SLC7A14: variants seen among roughly 807,000 people sequenced by gnomAD.
SLC7A14 encodes the protein gamma-aminobutyric acid transporter SLC7A14.
A neutral mutation model predicts 60.2 loss-of-function variants in SLC7A14; 37 were observed. The observed-to-expected ratio is 0.61, with a 90% confidence interval of 0.47 to 0.81. The LOEUF (loss-of-function observed/expected upper bound fraction) is 0.81, where lower values mean the gene tolerates loss of function less well. Ranked by LOEUF, SLC7A14 falls within the 30% of genes least tolerant of loss-of-function variation. SLC7A14 has a pLI of 0.00. For missense variants in SLC7A14, 886 were observed against 982.7 expected (o/e 0.90, Z 1.32); for synonymous variants, 399 against 395.8 (o/e 1.01, Z -0.10).
At chr3:170,549,477 G>T (rs1247630336) in intron 1 of SLC7A14, among the ~76,000 whole-genome samples, 2 of 152,166 alleles carry the variant, frequency 1.3e-5, no homozygotes, top group East Asian at 1.9e-4. Flanking sequence ...GCCTCCCAAA[G>T]TGCTGGGATT....
intron 1 of SLC7A14, among the ~76,000 whole-genome samples, chr3:170,578,340 C>T (rs763926646): frequency 1.3e-5 from 2 of 152,222 alleles, no homozygotes; most frequent in Non-Finnish European, 2.9e-5. Flanking sequence ...TTCCCACACA[C>T]AGGACTGAAG....
intron 4 of SLC7A14, among the ~76,000 whole-genome samples, chr3:170,489,639 C>T (rs1339459148): frequency 2.0e-5 from 3 of 152,188 alleles, no homozygotes; most frequent in African/African-American, 4.8e-5. Flanking sequence ...ATCTGCATTC[C>T]TATGTTTGTT....
At chr3:170,502,754 A>G (rs1305419327) in intron 2 of SLC7A14, 2 of 152,258 alleles carry the variant, frequency 1.3e-5, no homozygotes, top group Non-Finnish European at 2.9e-5. Context: ...AGAGATGTCA[A>G]AAGCAATGGC....
intron 1 of SLC7A14, among the ~76,000 whole-genome samples, chr3:170,553,445 C>G (rs556343391): frequency 1.3e-5 from 2 of 152,148 alleles, no homozygotes; most frequent in Non-Finnish European, 2.9e-5. Context: ...AAGGGAAACT[C>G]CCAGTTCAAA....
chr3:170,513,807 C>T (rs1173327864), intron 2 of SLC7A14, among the ~76,000 whole-genome samples: 1 of 152,170 alleles, frequency 6.6e-6, no homozygotes, highest in Non-Finnish European at 1.5e-5. Flanking sequence ...TGGTGTTGGC[C>T]TTCATCACAC....
At chr3:170,515,906 T>C (rs748143279) in intron 2 of SLC7A14, among the ~76,000 whole-genome samples, 2 of 152,178 alleles carry the variant, frequency 1.3e-5, no homozygotes, top group Admixed American at 6.5e-5. Context: ...TGTTTCTTCA[T>C]ATTGATATCA....
intron 7 of SLC7A14, among the ~76,000 whole-genome samples, chr3:170,469,122 G>C (rs187280364): frequency 1.3e-5 from 2 of 152,046 alleles, no homozygotes; most frequent in East Asian, 3.9e-4. Context: ...CCTCCTTCCC[G>C]GGCCCTAACA....
chr3:170,486,698 C>G (rs920645882), intron 4 of SLC7A14, among the ~76,000 whole-genome samples: 1 of 152,038 alleles, frequency 6.6e-6, no homozygotes. Flanking sequence ...ATGGTGAAAC[C>G]CTGTCTGTAC....
At chr3:170,491,752 G>C (rs1197716786) in intron 4 of SLC7A14, among the ~76,000 whole-genome samples, 2 of 152,154 alleles carry the variant, frequency 1.3e-5, no homozygotes, top group Admixed American at 1.3e-4. Context: ...CTCTGGCCTT[G>C]CTTTCTTCTC....
At chr3:170,569,330 T>G (rs1223003418) in intron 1 of SLC7A14, among the ~76,000 whole-genome samples, 4 of 152,252 alleles carry the variant, frequency 2.6e-5, no homozygotes, top group African/African-American at 9.6e-5. Flanking sequence ...TTTGCGTATG[T>G]TGAACCAGCC....
intron 1 of SLC7A14, among the ~76,000 whole-genome samples, chr3:170,556,171 A>G (rs1461219954): frequency 1.3e-5 from 2 of 152,182 alleles, no homozygotes; most frequent in Non-Finnish European, 2.9e-5. Flanking sequence ...TCTTTTTGCA[A>G]TGAGATGCTA....
intron 2 of SLC7A14, among the ~76,000 whole-genome samples, chr3:170,509,682 T>C (rs1712905150): frequency 6.7e-6 from 1 of 148,338 alleles, no homozygotes; most frequent in African/African-American, 2.5e-5. Flanking sequence ...TGGTGGTGCA[T>C]GGTTGTAATC....
At chr3:170,542,187 CAA>C (rs1714037783) in intron 1 of SLC7A14, among the ~76,000 whole-genome samples, 2 of 152,188 alleles carry the variant, frequency 1.3e-5, no homozygotes, top group African/African-American at 4.8e-5. Flanking sequence ...AGTTGCTACA[CAA>C]AGCTCGAGCC....
intron 7 of SLC7A14, among the ~76,000 whole-genome samples, chr3:170,472,120 G>A (rs775776046): frequency 7.9e-5 from 12 of 151,506 alleles, no homozygotes; most frequent in Non-Finnish European, 1.5e-4. Flanking sequence ...TGTAATCCCA[G>A]CACTTTGGGA....
In SLC7A14 at chr3:170,563,936, T is replaced by C. The variant is rs571888766; in HGVS notation, c.-153+21975A>G. ...CTGATAGGAATCCTGGTGATTTCTTTTATTAAATAACGAATCCTTATCAGT... is the reference window on the plus strand; with the variant it reads ...CTGATAGGAATCCTGGTGATTTCTTCTATTAAATAACGAATCCTTATCAGT... On this transcript the variant is annotated intron_variant, in intron 1 of 7. Transcript: ENST00000231706. 2.0e-5 allele frequency among the ~76,000 whole-genome samples: 3 copies of C among 152,354 alleles called. No individual in the cohort carries two copies. The South Asian group carries it at 6.2e-4, about 32-fold the overall frequency.
chr3:170,480,840 C>A lies in SLC7A14; in HGVS notation c.1442G>T (p.Cys481Phe), dbSNP rs1711788765. ...CAAGGATGGTAAGTTCTTGGCCCCA[C>A]ATGTGTTGGTGGCTGGGCCAGAAAA... is the stretch of plus-strand genomic sequence containing the variant. ...DEFSGPATNT[C>F]GAKNLPSLGD... is the part of the protein sequence containing the mutation. The change falls in exon 7 of 8, where the codon TGT becomes TTT. Residue 481 changes from cysteine to phenylalanine, a missense_variant. By Grantham distance (205) the Cys-to-Phe change is radical. Coordinates refer to ENST00000231706, the MANE Select transcript of SLC7A14 (RefSeq NM_020949.3). 5.0e-6 allele frequency: 8 copies of A among 1,614,126 alleles called. No homozygotes were observed. The highest frequency in any genetic ancestry group is 6.8e-6 in the Non-Finnish European group (8 of 1,180,038).
intron 2 of SLC7A14, among the ~76,000 whole-genome samples, chr3:170,511,268 A>G (rs1039192552): frequency 6.6e-6 from 1 of 152,064 alleles, no homozygotes; most frequent in African/African-American, 2.4e-5. Flanking sequence ...GTGGTGGTGC[A>G]TGCCTGTAAT....
intron 2 of SLC7A14, among the ~76,000 whole-genome samples, chr3:170,518,007 C>T (rs191698316): frequency 1.3e-5 from 2 of 152,326 alleles, no homozygotes; most frequent in Admixed American, 1.3e-4. Flanking sequence ...AGATAGCTCG[C>T]TGAAATGGCA....
chr3:170,567,470 C>T (rs900355641), intron 1 of SLC7A14, among the ~76,000 whole-genome samples: 9 of 151,704 alleles, frequency 5.9e-5, no homozygotes, highest in African/African-American at 9.7e-5. Context: ...AGTAAACATA[C>T]GTGTGCATGT....
Sources: gnomAD v4.1 joint callset for allele counts (sites outside exome capture counted in the v4.1 genomes callset) on GRCh38, gnomAD v4.1.1 for gene constraint, MANE v1.5 for transcripts, NCBI Gene and HGNC (gene_info 2026-07-23, HGNC 2026-07-21) for gene names.